The following GRM3 variants were observed in gnomAD, a reference collection of about 807,000 sequenced individuals.
The protein encoded by GRM3 is metabotropic glutamate receptor 3.
Under a neutral mutation model 70.5 loss-of-function variants are expected in GRM3, and 26 were observed. The observed-to-expected ratio is 0.37, with a 90% CI of 0.27 to 0.51. GRM3 has a LOEUF of 0.51. GRM3 is among the 20% of genes least tolerant of loss of function. GRM3 has a pLI of 0.93. For synonymous variants in GRM3, 443 were observed against 434.9 expected (o/e 1.02, Z -0.23); for missense variants, 859 against 1,123.8 (o/e 0.76, Z 3.37).
At position 86,718,375 on chromosome 7, in the gene GRM3, C is replaced by G. The variant is rs559682518; in HGVS notation, c.-140-46631C>G. On this transcript the variant is annotated intron_variant, in intron 1 of 5. Coordinates refer to ENST00000361669, the MANE Select transcript of GRM3 (RefSeq NM_000840.3). ...TGCTTTCAGATTTATTATAATCTGA[C>G]CCATTGAATAAGAATGATACATGTT... Among the ~76,000 whole-genome samples, 5 of 151,956 alleles carry G rather than the reference C, an allele frequency of 3.3e-5. No individual in the cohort carries two copies. In the East Asian group the frequency reaches 7.8e-4, roughly 24 times the overall value.
chr7:86,725,844 C>T (rs1795580189), intron 1 of GRM3, among the ~76,000 whole-genome samples: 1 of 152,084 alleles, frequency 6.6e-6, no homozygotes, highest in Admixed American at 6.6e-5. Context: ...GTTATGTCCT[C>T]ACATGGCAGA....
chr7:86,842,541 G>A (rs961677831), intron 4 of GRM3, among the ~76,000 whole-genome samples: 16 of 152,202 alleles, frequency 1.1e-4, no homozygotes, highest in Admixed American at 1.3e-4. Flanking sequence ...CCTTGCTCTA[G>A]AAATTCCAGA....
At chr7:86,739,298 A>T (rs1795932520) in intron 1 of GRM3, among the ~76,000 whole-genome samples, 1 of 152,152 alleles carries the variant, frequency 6.6e-6, no homozygotes, top group Non-Finnish European at 1.5e-5. Context: ...TCTGGAAATT[A>T]TTCCTTCTAC....
At chr7:86,836,583 G>A (rs1798461177) in intron 3 of GRM3, among the ~76,000 whole-genome samples, 1 of 152,170 alleles carries the variant, frequency 6.6e-6, no homozygotes, top group Non-Finnish European at 1.5e-5. Flanking sequence ...GGTCAGAAGT[G>A]AGGTTTGGAT....
In GRM3 at chr7:86,824,802, A is replaced by G. The variant is rs193281315; in HGVS notation, c.1325-14037A>G. Among the ~76,000 whole-genome samples, 727 of 151,730 alleles carry G rather than the reference A, an allele frequency of 4.8e-3. 10 individuals are homozygous for G. The highest frequency in any genetic ancestry group is 0.016 in the African/African-American group (684 of 41,464). On this transcript the variant is annotated intron_variant, in intron 3 of 5. Transcript: ENST00000361669. ...ATTTATGCAACAAATTTATATATAT[A>G]TGTGTGTGTGTGCACATATATATAC... is the stretch of plus-strand genomic sequence containing the variant.
intron 1 of GRM3, among the ~76,000 whole-genome samples, chr7:86,657,538 A>T (rs1318130572): frequency 6.6e-6 from 1 of 152,206 alleles, no homozygotes; most frequent in African/African-American, 2.4e-5. Flanking sequence ...GTTTAAGGTT[A>T]GAGTGTATGG....
intron 4 of GRM3, among the ~76,000 whole-genome samples, chr7:86,842,955 A>G (rs1056000146): frequency 1.3e-5 from 2 of 152,162 alleles, no homozygotes; most frequent in African/African-American, 4.8e-5. Flanking sequence ...TAGAGAATAT[A>G]GGGAATATTC....
intron 1 of GRM3, among the ~76,000 whole-genome samples, chr7:86,677,291 G>A (rs1465328083): frequency 6.6e-6 from 1 of 151,938 alleles, no homozygotes; most frequent in African/African-American, 2.4e-5. Flanking sequence ...TGTCTGTTAT[G>A]AGAAGTAGTT....
chr7:86,832,557 A>G (rs1798374851), intron 3 of GRM3, among the ~76,000 whole-genome samples: 1 of 152,152 alleles, frequency 6.6e-6, no homozygotes, highest in South Asian at 2.1e-4. Flanking sequence ...GGCCACTGCT[A>G]GTAGCTTTTG....
intron 3 of GRM3, among the ~76,000 whole-genome samples, chr7:86,828,643 C>G (rs1204679715): frequency 6.6e-6 from 1 of 152,188 alleles, no homozygotes; most frequent in Non-Finnish European, 1.5e-5. Context: ...CAGCCTTTAG[C>G]AAGCCATACT....
At chr7:86,679,166 T>A (rs139904460) in intron 1 of GRM3, among the ~76,000 whole-genome samples, 1 of 152,076 alleles carries the variant, frequency 6.6e-6, no homozygotes, top group African/African-American at 2.4e-5. Flanking sequence ...ATCTTATTAG[T>A]GATCAGGATA....
chr7:86,712,246 C>T (rs1299958459), intron 1 of GRM3, among the ~76,000 whole-genome samples: 1 of 152,002 alleles, frequency 6.6e-6, no homozygotes, highest in Admixed American at 6.6e-5. Flanking sequence ...AGCCATTCTT[C>T]CTTCCTCCTG....
At chr7:86,858,262 A>G (rs1439853226) in intron 5 of GRM3, among the ~76,000 whole-genome samples, 2 of 152,012 alleles carry the variant, frequency 1.3e-5, no homozygotes, top group Non-Finnish European at 2.9e-5. Flanking sequence ...GGCCAAGAAC[A>G]TGATATTTTA....
chr7:86,665,939 T>C (rs1794014238), intron 1 of GRM3, among the ~76,000 whole-genome samples: 1 of 152,032 alleles, frequency 6.6e-6, no homozygotes, highest in South Asian at 2.1e-4. Context: ...TACACAATAA[T>C]GTGGGCTGTT....
At chr7:86,655,863 T>G (rs1274103675) in intron 1 of GRM3, among the ~76,000 whole-genome samples, 53 of 149,380 alleles carry the variant, frequency 3.5e-4, no homozygotes, top group African/African-American at 1.3e-3. Context: ...GGTGGGTGGG[T>G]GTGTGTGTAT....
At chr7:86,753,879 G>A (rs898549060) in intron 1 of GRM3, among the ~76,000 whole-genome samples, 11 of 152,202 alleles carry the variant, frequency 7.2e-5, no homozygotes, top group African/African-American at 2.4e-4. Flanking sequence ...TGATGTAAGC[G>A]CTCTCACCAC....
At chr7:86,669,771 C>T (rs924062479) in intron 1 of GRM3, among the ~76,000 whole-genome samples, 3 of 152,154 alleles carry the variant, frequency 2.0e-5, no homozygotes, top group Non-Finnish European at 2.9e-5. Flanking sequence ...CATATTCCTT[C>T]AAATCCCTGC....
At chr7:86,668,278 T>C (rs894266843) in intron 1 of GRM3, among the ~76,000 whole-genome samples, 1 of 152,154 alleles carries the variant, frequency 6.6e-6, no homozygotes, top group African/African-American at 2.4e-5. Flanking sequence ...AATTTTTTTT[T>C]TTTGTTATTT....
intron 5 of GRM3, among the ~76,000 whole-genome samples, chr7:86,861,701 A>G (rs1379061660): frequency 1.3e-5 from 2 of 152,240 alleles, no homozygotes; most frequent in Non-Finnish European, 2.9e-5. Context: ...AGAAGGAAAA[A>G]AAAATTGGAA....
Sources: allele counts gnomAD v4.1 joint callset (sites outside exome capture counted in the v4.1 genomes callset), GRCh38; gene constraint gnomAD v4.1.1; transcripts MANE v1.5; gene names NCBI Gene and HGNC (gene_info 2026-07-23, HGNC 2026-07-21).